HMCN1: variants seen among roughly 807,000 people sequenced by gnomAD.
The protein encoded by HMCN1 is hemicentin-1.
A neutral mutation model predicts 625.9 loss-of-function variants in HMCN1; 321 were observed. The ratio of observed to expected loss-of-function variants is 0.51; its 90% CI spans 0.47 to 0.56. The LOEUF is 0.56. HMCN1 is among the 20% of genes least tolerant of loss of function. HMCN1 has a pLI of 0.00. For synonymous variants in HMCN1, 2,425 were observed against 2,417.6 expected, an observed-to-expected ratio of 1.00 and a Z score of -0.09; for missense variants, 6,588 against 6,887.3, an observed-to-expected ratio of 0.96 and a Z score of 1.54.
chr1:186,088,092 G>A (rs1271254316), intron 61 of HMCN1, 53 bp from the exon 62 acceptor site: 14 of 1,607,492 alleles, frequency 8.7e-6, no homozygotes, highest in Non-Finnish European at 9.4e-6. Flanking sequence ...GCTTAATGAG[G>A]ACAAATGATT....
intron 68 of HMCN1, among the ~76,000 whole-genome samples, chr1:186,098,945 T>C (rs1467118346): frequency 6.6e-6 from 1 of 152,074 alleles, no homozygotes. Flanking sequence ...TACCACATGA[T>C]TTCATTCATG....
Position 185,989,049 on chromosome 1 carries a change from A to C in HMCN1, c.3049-439A>C, listed in dbSNP as rs553670892. ...TTGAGATGGAGTCTCGCTCTGTCAC[A>C]CAGGCTGGAGTGCAGTGGCACGATC... On this transcript the variant is annotated intron_variant, in intron 20 of 106. Coordinates refer to ENST00000271588, the MANE Select transcript of HMCN1 (RefSeq NM_031935.3). Among the ~76,000 whole-genome samples the C allele has an allele frequency of 1.5e-4, 21 of 137,292 alleles. No homozygotes were observed. The East Asian group carries it at 1.7e-3, about 11-fold the overall frequency. 90.1% of individuals were successfully genotyped at this position (137,292 alleles called of 152,430 possible). A position where few individuals can be genotyped will look rare whatever the true frequency, so the allele number is the denominator to read the frequency against.
At chr1:185,744,272 C>T (rs116320319) in intron 1 of HMCN1, among the ~76,000 whole-genome samples, 1,798 of 152,100 alleles carry the variant, frequency 0.012, 11 homozygotes, top group Non-Finnish European at 0.018. Context: ...GGATTACAGG[C>T]GTGAGCCACC....
At position 186,046,692 on chromosome 1, in the gene HMCN1, C is replaced by T. The variant is rs12082436; in HGVS notation, c.6480+829C>T. ...TAGTGTTGAAAGACTAGTGTTTTAA[C>T]GGTAGATGAGATAAAAAGCAAGGGA... is the stretch of plus-strand genomic sequence containing the variant. On this transcript the variant is annotated intron_variant, in intron 41 of 106. Transcript: ENST00000271588. 5.4e-3 allele frequency among the ~76,000 whole-genome samples: 822 copies of T among 152,012 alleles called. 9 individuals carry two copies. The highest frequency in any genetic ancestry group is 0.018 in the African/African-American group (762 of 41,480).
At chr1:186,079,138 C>T (rs1235750401) in intron 55 of HMCN1, among the ~76,000 whole-genome samples, 1 of 150,906 alleles carries the variant, frequency 6.6e-6, no homozygotes, top group African/African-American at 2.5e-5. Flanking sequence ...GCAGCTCTCT[C>T]ATCAGCAGCT....
At chr1:186,150,997 G>C (rs1571423461) in intron 93 of HMCN1, among the ~76,000 whole-genome samples, 1 of 152,094 alleles carries the variant, frequency 6.6e-6, no homozygotes. Flanking sequence ...AAGGATCTTA[G>C]ATTTATGGGT....
chr1:186,139,223 G>T (rs1040867677), intron 89 of HMCN1, among the ~76,000 whole-genome samples: 94 of 152,298 alleles, frequency 6.2e-4, no homozygotes, highest in African/African-American at 2.1e-3. Context: ...TCAAAGTTTT[G>T]AACTCAGGTT....
chr1:185,970,936 A>G (rs1288349270), intron 15 of HMCN1, among the ~76,000 whole-genome samples: 1 of 152,140 alleles, frequency 6.6e-6, no homozygotes, highest in Non-Finnish European at 1.5e-5. Flanking sequence ...CTGGGATTAC[A>G]GCCATGAGCC....
intron 97 of HMCN1, among the ~76,000 whole-genome samples, chr1:186,158,736 A>C (rs1240858442): frequency 2.0e-5 from 3 of 152,220 alleles, no homozygotes; most frequent in South Asian, 2.1e-4. Flanking sequence ...GTCAAAGATC[A>C]GATAGTTGTA....
At chr1:185,808,270 C>G (rs1483184843) in intron 1 of HMCN1, among the ~76,000 whole-genome samples, 1 of 152,114 alleles carries the variant, frequency 6.6e-6, no homozygotes, top group Non-Finnish European at 1.5e-5. Flanking sequence ...TCCCTTGAAC[C>G]TCAGAAGCAG....
At chr1:186,146,051 C>G in intron 93 of HMCN1, 128 bp downstream of exon 93, 1 of 938,844 alleles carries the variant, frequency 1.1e-6, no homozygotes, top group Non-Finnish European at 1.7e-6. Context: ...AAAGTGCTTT[C>G]TTGCTCCTAA....
At chr1:185,842,150 C>T (rs1661514822) in intron 1 of HMCN1, among the ~76,000 whole-genome samples, 1 of 152,144 alleles carries the variant, frequency 6.6e-6, no homozygotes, top group Non-Finnish European at 1.5e-5. Flanking sequence ...TGTGTATCTA[C>T]ACTTTTATCT....
At chr1:186,013,394 A>G (rs973908372) in intron 30 of HMCN1, among the ~76,000 whole-genome samples, 4 of 152,194 alleles carry the variant, frequency 2.6e-5, no homozygotes, top group African/African-American at 9.6e-5. Context: ...CTCCTGAGAT[A>G]AAAATGATTC....
intron 24 of HMCN1, 120 bp downstream of exon 24, chr1:185,995,207 T>G: frequency 1.1e-6 from 1 of 885,896 alleles, no homozygotes; most frequent in Non-Finnish European, 1.8e-6. Flanking sequence ...TATATAACTT[T>G]TGTGACTCTT....
Position 185,923,539 on chromosome 1 carries a change from A to C in HMCN1, c.1171A>C (p.Ile391Leu), listed in dbSNP as rs747111292. Residue 391 changes from isoleucine (I) to leucine (L), a missense_variant, in exon 8 of 107, where the codon ATT becomes CTT. This residue lies in a region of HMCN1 where 4,628 missense variants were observed against 4,853.1 expected (regional missense o/e 0.95). Transcript: ENST00000271588. ...PHRKPYGIWN[I>L]SDFVPPNEAF... ...TCGAAAACCTTATGGCATATGGAAT[A>C]TTTCTGACTTTGTACCACCAAATGA... 1.3e-5 allele frequency: 21 copies of C among 1,612,454 alleles called. No individual in the cohort carries two copies. The highest frequency in any genetic ancestry group is 1.4e-5 in the Non-Finnish European group (17 of 1,179,024).
intron 81 of HMCN1, among the ~76,000 whole-genome samples, 186 bp from the exon 82 acceptor site, chr1:186,125,418 T>C (rs1661596108): frequency 6.6e-6 from 1 of 152,184 alleles, no homozygotes; most frequent in Non-Finnish European, 1.5e-5. Flanking sequence ...ATTAGGATTC[T>C]TGCTAGCACC....
intron 100 of HMCN1, among the ~76,000 whole-genome samples, chr1:186,168,252 A>G (rs924230594): frequency 2.0e-5 from 3 of 151,296 alleles, no homozygotes; most frequent in African/African-American, 4.9e-5. Context: ...CAAAAGAGGA[A>G]GAGGAAGAAA....
At chr1:185,802,797 A>C (rs1225817332) in intron 1 of HMCN1, among the ~76,000 whole-genome samples, 2 of 152,144 alleles carry the variant, frequency 1.3e-5, no homozygotes, top group Non-Finnish European at 2.9e-5. Flanking sequence ...AGATGAAGAA[A>C]TAGTGATCAC....
chr1:185,864,731 ACTAT>A (rs1051100655), intron 3 of HMCN1, 103 bp downstream of exon 3: 11 of 1,018,702 alleles, frequency 1.1e-5, no homozygotes, highest in African/African-American at 9.5e-5. Flanking sequence ...AATAATTATA[ACTAT>A]CTATCCACAT....
Sources: gnomAD v4.1 joint callset for allele counts (sites outside exome capture counted in the v4.1 genomes callset) on GRCh38, gnomAD v4.1.1 for gene constraint, gnomAD v4.1.1 regional missense constraint, MANE v1.5 for transcripts, NCBI Gene and HGNC (gene_info 2026-07-23, HGNC 2026-07-21) for gene names.